Variants in SAMMSON observed in about 807,000 individuals in gnomAD.
SAMMSON encodes the protein survival associated mitochondrial melanoma specific oncogenic non-coding RNA, also known as long intergenic non-protein coding RNA 1212.
chr3:70,141,747 A>C (rs1258542628), intron 4 of SAMMSON, among the ~76,000 whole-genome samples: 1 of 151,960 alleles, frequency 6.6e-6, no homozygotes, highest in Non-Finnish European at 1.5e-5. Flanking sequence ...TTTTCTTCTT[A>C]TTTCACAGCT....
intron 4 of SAMMSON, among the ~76,000 whole-genome samples, chr3:70,225,713 C>G (rs917582386): frequency 1.3e-5 from 2 of 152,158 alleles, no homozygotes; most frequent in East Asian, 1.9e-4. Context: ...CAAAATGAAA[C>G]AATAAAGTAG....
At chr3:70,003,491 T>C (rs1353168757) in intron 1 of SAMMSON, among the ~76,000 whole-genome samples, 1 of 151,868 alleles carries the variant, frequency 6.6e-6, no homozygotes, top group Non-Finnish European at 1.5e-5. Context: ...TATATTATTT[T>C]GGTATTTACA....
chr3:70,192,242 C>T (rs763454757), intron 4 of SAMMSON, among the ~76,000 whole-genome samples: 2 of 152,188 alleles, frequency 1.3e-5, no homozygotes, highest in African/African-American at 2.4e-5. Flanking sequence ...GCTGTGCAAG[C>T]ACCTCTAATA....
At chr3:70,234,018 G>T (rs1366871723) in intron 4 of SAMMSON, among the ~76,000 whole-genome samples, 1 of 152,176 alleles carries the variant, frequency 6.6e-6, no homozygotes, top group African/African-American at 2.4e-5. Flanking sequence ...TGAGTCATGT[G>T]ATAGGTGTGT....
At chr3:70,071,106 A>G (rs941938766) in intron 3 of SAMMSON, among the ~76,000 whole-genome samples, 1 of 152,014 alleles carries the variant, frequency 6.6e-6, no homozygotes, top group African/African-American at 2.4e-5. Context: ...TCGTATTTAG[A>G]ACAGGGAAAA....
chr3:69,999,831 A>T (rs981093494), upstream of SAMMSON: 9 of 152,408 alleles, frequency 5.9e-5, no homozygotes, highest in African/African-American at 2.2e-4. Flanking sequence ...AAGAGCACAC[A>T]GACAGGCACC....
intron 1 of SAMMSON, among the ~76,000 whole-genome samples, chr3:70,007,357 G>A (rs1358300505): frequency 3.9e-5 from 6 of 152,144 alleles, no homozygotes; most frequent in Non-Finnish European, 1.5e-5. Context: ...GTGTGAGATG[G>A]AATCTCACTG....
intron 3 of SAMMSON, among the ~76,000 whole-genome samples, chr3:70,021,039 C>T (rs751717431): frequency 3.3e-5 from 5 of 152,052 alleles, no homozygotes; most frequent in Non-Finnish European, 7.4e-5. Context: ...GCTTCAAGAA[C>T]GGAGTTAAAT....
rs373823305 is a variant in SAMMSON at position 70,096,468 on chromosome 3, C to T, written n.507+24903C>T. Among the ~76,000 whole-genome samples the T allele has an allele frequency of 2.6e-5, 4 of 152,104 alleles. No individual in the cohort carries two copies. The East Asian group carries it at 5.8e-4, about 22-fold the overall frequency. ...CTGAGAAGAGAGGATTGCTTGAGCCCAGGAAGTTGAAGCTGCAGTGAGCTA... is the reference window on the plus strand; with the variant it reads ...CTGAGAAGAGAGGATTGCTTGAGCCTAGGAAGTTGAAGCTGCAGTGAGCTA... On this transcript the variant is annotated intron_variant and non_coding_transcript_variant, in intron 4 of 9. Transcript: ENST00000642114.
chr3:70,425,753 T>G (rs1701360552), intron 2 of SAMMSON, among the ~76,000 whole-genome samples: 1 of 152,118 alleles, frequency 6.6e-6, no homozygotes, highest in South Asian at 2.1e-4. Context: ...AATAATAATT[T>G]ATTAATTATG....
chr3:70,253,962 T>C (rs1701791620), intron 6 of SAMMSON, among the ~76,000 whole-genome samples: 1 of 152,184 alleles, frequency 6.6e-6, no homozygotes, highest in South Asian at 2.1e-4. Flanking sequence ...GTATGCTCTG[T>C]GGCATAATAT....
intron 4 of SAMMSON, among the ~76,000 whole-genome samples, chr3:70,133,903 C>A (rs1172174930): frequency 1.3e-5 from 2 of 152,020 alleles, no homozygotes; most frequent in African/African-American, 4.8e-5. Context: ...GTTTCCTCAT[C>A]TGTAAAGTGA....
At chr3:70,150,003 C>T (rs1472766710) in intron 4 of SAMMSON, among the ~76,000 whole-genome samples, 2 of 152,040 alleles carry the variant, frequency 1.3e-5, no homozygotes, top group African/African-American at 4.8e-5. Context: ...TCATTACCCT[C>T]TCACCACTCC....
At chr3:70,102,967 A>T (rs2067351855) in intron 4 of SAMMSON, among the ~76,000 whole-genome samples, 1 of 152,096 alleles carries the variant, frequency 6.6e-6, no homozygotes, top group Non-Finnish European at 1.5e-5. Context: ...AATTTGGAAA[A>T]CTTTCTACTA....
chr3:70,209,930 A>G (rs1267035370), intron 4 of SAMMSON, among the ~76,000 whole-genome samples: 2 of 152,208 alleles, frequency 1.3e-5, no homozygotes, highest in African/African-American at 4.8e-5. Flanking sequence ...CCCATACATT[A>G]GAGAGTAGCT....
At chr3:70,073,794 T>C (rs1045324794) in intron 4 of SAMMSON, among the ~76,000 whole-genome samples, 12 of 152,074 alleles carry the variant, frequency 7.9e-5, no homozygotes, top group Non-Finnish European at 1.5e-4. Flanking sequence ...AGCCATAGAC[T>C]TGGAAGGGTG....
chr3:70,167,694 C>A (rs1299989187), intron 4 of SAMMSON, among the ~76,000 whole-genome samples: 1 of 151,810 alleles, frequency 6.6e-6, no homozygotes, highest in Non-Finnish European at 1.5e-5. Flanking sequence ...GCACAAAGAG[C>A]GTTAGGGGAA....
chr3:70,025,398 C>G (rs1193409840), intron 3 of SAMMSON, among the ~76,000 whole-genome samples: 1 of 152,148 alleles, frequency 6.6e-6, no homozygotes, highest in Non-Finnish European at 1.5e-5. Context: ...GTTCCCGCCA[C>G]CACACCTGGA....
chr3:70,101,516 T>C (rs991237359), intron 4 of SAMMSON, among the ~76,000 whole-genome samples: 1 of 152,138 alleles, frequency 6.6e-6, no homozygotes, highest in Non-Finnish European at 1.5e-5. Flanking sequence ...AGTGCATTAA[T>C]TGTATAGATT....
Sources: allele counts gnomAD v4.1 joint callset (sites outside exome capture counted in the v4.1 genomes callset), GRCh38; gene constraint gnomAD v4.1.1; transcripts MANE v1.5; gene names NCBI Gene and HGNC (gene_info 2026-07-23, HGNC 2026-07-21).